Variants in SUGCT observed in about 807,000 individuals in gnomAD.
SUGCT encodes succinyl-CoA:glutarate CoA-transferase.
SUGCT carries 41 observed loss-of-function variants against 55.0 expected under a neutral mutation model. That is an observed-to-expected ratio of 0.74 (90% CI 0.58 to 0.97). SUGCT has a LOEUF of 0.97. Among genes scored for constraint, SUGCT ranks in the 50% least tolerant of loss-of-function variants. The pLI, the probability that SUGCT is intolerant of heterozygous loss-of-function variation, is 0.00. For synonymous variants in SUGCT, 187 were observed against 200.4 expected (o/e 0.93, Z 0.56); for missense variants, 568 against 547.8 (o/e 1.04, Z -0.37).
At chr7:40,999,554 A>G in the SUGCT span, among the ~76,000 whole-genome samples, 1 of 152,194 alleles carries the variant, frequency 6.6e-6, no homozygotes, top group Non-Finnish European at 1.5e-5. Context: ...GCATGTACTT[A>G]TAACACTATA....
intron 12 of SUGCT, among the ~76,000 whole-genome samples, chr7:40,703,275 G>C (rs895472775): frequency 1.3e-5 from 2 of 152,028 alleles, no homozygotes; most frequent in Admixed American, 1.3e-4. Context: ...TGTTGGTCAG[G>C]CTGGTCTCGA....
At chr7:40,708,084 A>T (rs1212211171) in intron 12 of SUGCT, among the ~76,000 whole-genome samples, 1 of 152,194 alleles carries the variant, frequency 6.6e-6, no homozygotes, top group Admixed American at 6.5e-5. Context: ...AGCTTCAGGA[A>T]TAGAATGTGG....
chr7:40,366,120 A>G (rs1402385090), intron 9 of SUGCT, among the ~76,000 whole-genome samples: 1 of 152,174 alleles, frequency 6.6e-6, no homozygotes, highest in South Asian at 2.1e-4. Flanking sequence ...CATATCTACA[A>G]CTATCCGATC....
intron 9 of SUGCT, among the ~76,000 whole-genome samples, chr7:40,407,191 A>G (rs1474926694): frequency 6.6e-6 from 1 of 152,184 alleles, no homozygotes; most frequent in Non-Finnish European, 1.5e-5. Context: ...TATTGTCATC[A>G]GATAAATTTT....
At position 40,843,993 on chromosome 7, in the gene SUGCT, C is replaced by T. The variant is rs144431892; in HGVS notation, c.1154-16323C>T. ...TCGGCCCGCAGCTCTAAACCCATCACGGGAAGGGGAGTACTCAGGTGAGTG... is the reference window on the plus strand; with the variant it reads ...TCGGCCCGCAGCTCTAAACCCATCATGGGAAGGGGAGTACTCAGGTGAGTG... On this transcript the variant is annotated intron_variant, in intron 13 of 13. Coordinates refer to ENST00000335693, the MANE Select transcript of SUGCT (RefSeq NM_001193313.2). Among the ~76,000 whole-genome samples the T allele has an allele frequency of 2.2e-3, 331 of 152,084 alleles. 2 individuals are homozygous for T. The highest frequency in any genetic ancestry group is 7.0e-3 in the African/African-American group (291 of 41,488).
At chr7:40,273,256 G>A (rs543260292) in intron 7 of SUGCT, among the ~76,000 whole-genome samples, 1 of 152,232 alleles carries the variant, frequency 6.6e-6, no homozygotes, top group Non-Finnish European at 1.5e-5. Flanking sequence ...TACCGTCTCA[G>A]TTACTTGCTT....
intron 12 of SUGCT, among the ~76,000 whole-genome samples, chr7:40,510,507 T>C (rs1792865449): frequency 6.6e-6 from 1 of 152,104 alleles, no homozygotes; most frequent in Non-Finnish European, 1.5e-5. Flanking sequence ...AGAAATCTTG[T>C]TTTTTGGTAT....
intron 12 of SUGCT, among the ~76,000 whole-genome samples, chr7:40,696,249 C>T (rs1266801936): frequency 6.6e-6 from 1 of 152,198 alleles, no homozygotes; most frequent in African/African-American, 2.4e-5. Context: ...GTGCCGTTAT[C>T]CTAGCCATTT....
chr7:40,492,850 A>T (rs1280616994), intron 11 of SUGCT, among the ~76,000 whole-genome samples: 1 of 152,124 alleles, frequency 6.6e-6, no homozygotes, highest in Non-Finnish European at 1.5e-5. Flanking sequence ...ATCTATTTTC[A>T]TAGCTGTGTT....
chr7:40,379,122 G>A (rs12533531), intron 9 of SUGCT, among the ~76,000 whole-genome samples: 20,407 of 152,066 alleles, frequency 0.13, 1,740 homozygotes, highest in East Asian at 0.48. Context: ...AAGCCTCAAA[G>A]CAAGGAATGC....
intron 9 of SUGCT, among the ~76,000 whole-genome samples, 179 bp from the exon 10 acceptor site, chr7:40,449,108 T>C (rs1789043968): frequency 6.6e-6 from 1 of 152,120 alleles, no homozygotes; most frequent in South Asian, 2.1e-4. Context: ...TGTATATATA[T>C]ATTATATCTT....
intron 12 of SUGCT, among the ~76,000 whole-genome samples, chr7:40,622,120 C>G (rs1339235954): frequency 6.6e-6 from 1 of 152,194 alleles, no homozygotes; most frequent in African/African-American, 2.4e-5. Context: ...AATTCGGATT[C>G]ATTTGGATGT....
chr7:40,437,172 G>A (rs191111863), intron 9 of SUGCT, among the ~76,000 whole-genome samples: 2 of 152,100 alleles, frequency 1.3e-5, no homozygotes, highest in East Asian at 1.9e-4. Context: ...TTGACAACAC[G>A]TAAAGAATAG....
intron 13 of SUGCT, among the ~76,000 whole-genome samples, chr7:40,830,092 C>T (rs543029669): frequency 6.6e-6 from 1 of 152,286 alleles, no homozygotes; most frequent in African/African-American, 2.4e-5. Context: ...TACTTCACCA[C>T]ACACACATTG....
chr7:40,444,107 G>A (rs1788675210), intron 9 of SUGCT, among the ~76,000 whole-genome samples: 1 of 152,174 alleles, frequency 6.6e-6, no homozygotes, highest in African/African-American at 2.4e-5. Flanking sequence ...CCAGTACCAT[G>A]CTGTTTTGGT....
intron 12 of SUGCT, among the ~76,000 whole-genome samples, chr7:40,595,081 C>T (rs941530796): frequency 6.6e-6 from 1 of 152,112 alleles, no homozygotes; most frequent in East Asian, 1.9e-4. Context: ...ATTTAATATT[C>T]TAAGTAAGAA....
At chr7:40,406,775 G>A (rs1786392869) in intron 9 of SUGCT, among the ~76,000 whole-genome samples, 1 of 152,170 alleles carries the variant, frequency 6.6e-6, no homozygotes, top group South Asian at 2.1e-4. Context: ...CTAGACTTTT[G>A]AGAAGTTTTT....
chr7:40,367,657 A>G (rs970740868), intron 9 of SUGCT, among the ~76,000 whole-genome samples: 1 of 152,154 alleles, frequency 6.6e-6, no homozygotes, highest in Non-Finnish European at 1.5e-5. Context: ...AATTAATGCA[A>G]TATTTAACTA....
chr7:40,872,979 C>A, the SUGCT span, among the ~76,000 whole-genome samples: 2 of 152,138 alleles, frequency 1.3e-5, no homozygotes, highest in African/African-American at 4.8e-5. Flanking sequence ...CTGACTGGGT[C>A]ACAGCTGTGC....
Sources: allele counts gnomAD v4.1 joint callset (sites outside exome capture counted in the v4.1 genomes callset), GRCh38; gene constraint gnomAD v4.1.1; transcripts MANE v1.5; gene names NCBI Gene and HGNC (gene_info 2026-07-23, HGNC 2026-07-21).